The following HADHA variants were observed in gnomAD, a reference collection of about 807,000 sequenced individuals.
HADHA encodes trifunctional enzyme subunit alpha, mitochondrial.
HADHA carries 59 observed loss-of-function variants against 91.3 expected under a neutral mutation model. The observed-to-expected ratio is 0.65, with a 90% CI of 0.52 to 0.80. HADHA has a LOEUF of 0.80. HADHA is among the 30% of genes least tolerant of loss of function. HADHA has a pLI of 0.00. For missense variants in HADHA, 800 were observed against 927.6 expected (o/e 0.86, Z 1.79); for synonymous variants, 320 against 338.9 (o/e 0.94, Z 0.61).
intron 9 of HADHA, among the ~76,000 whole-genome samples, chr2:26,213,126 T>G (rs1413687699): frequency 6.6e-6 from 1 of 152,226 alleles, no homozygotes; most frequent in Non-Finnish European, 1.5e-5. Flanking sequence ...ATAAGCAAAT[T>G]GACATCTCTA....
chr2:26,208,019 A>T (rs1670010122), intron 11 of HADHA, among the ~76,000 whole-genome samples: 1 of 152,168 alleles, frequency 6.6e-6, no homozygotes, highest in South Asian at 2.1e-4. Context: ...TGGGTATCTT[A>T]TAGCTTATTC....
At chr2:26,230,647 C>T (rs1055658582) in intron 6 of HADHA, among the ~76,000 whole-genome samples, 2 of 151,958 alleles carry the variant, frequency 1.3e-5, no homozygotes, top group Admixed American at 6.6e-5. Flanking sequence ...TGGCCAGGCA[C>T]GGTGGCTCAC....
intron 5 of HADHA, 141 bp downstream of exon 5, chr2:26,234,076 C>T (rs1017226421): frequency 1.4e-5 from 11 of 771,088 alleles, no homozygotes; most frequent in Non-Finnish European, 2.2e-5. Context: ...AGCAAAATTC[C>T]GTCTCAAAGC....
In HADHA at chr2:26,201,249, C is replaced by G; in HGVS notation, c.1292G>C (p.Gly431Ala). Residue 431 changes from glycine to alanine, a missense_variant, in exon 13 of 20, where the codon GGG becomes GCG. By Grantham distance (60) the Gly-to-Ala change is moderately conservative. Transcript: ENST00000380649. ...TTCAAAACCTTGGTAATCAAGCTGC[C>G]CAGTCAAGTTGCTGAAGATGGAATC... is the stretch of plus-strand genomic sequence containing the variant. ...ERDSIFSNLT[G>A]QLDYQGFEKA... 2 of 1,611,794 alleles carry G rather than the reference C, an allele frequency of 1.2e-6. No homozygotes were observed. The highest frequency in any genetic ancestry group is 1.7e-6 in the Non-Finnish European group (2 of 1,177,870).
At chr2:26,239,974 T>A (rs1006554446) in intron 1 of HADHA, among the ~76,000 whole-genome samples, 2 of 152,214 alleles carry the variant, frequency 1.3e-5, no homozygotes, top group Admixed American at 6.5e-5. Context: ...TCTACTTGAC[T>A]AATAGTATGT....
chr2:26,212,344 C>G (rs1028496905), intron 10 of HADHA: 1 of 539,316 alleles, frequency 1.9e-6, no homozygotes, highest in Non-Finnish European at 3.4e-6. Flanking sequence ...ACCTCGGCCT[C>G]CCAGAATGTT....
intron 17 of HADHA, 68 bp downstream of exon 17, chr2:26,193,509 T>C (rs943412805): frequency 1.6e-6 from 2 of 1,283,094 alleles, no homozygotes; most frequent in Admixed American, 3.4e-5. Flanking sequence ...CTGTAACTCT[T>C]TGGTCTCAGG....
chr2:26,242,744 C>G (rs1670928580), intron 1 of HADHA, among the ~76,000 whole-genome samples: 1 of 152,190 alleles, frequency 6.6e-6, no homozygotes, highest in Admixed American at 6.5e-5. Context: ...AGAAGTCAGA[C>G]TCCAAACAAT....
intron 13 of HADHA, among the ~76,000 whole-genome samples, chr2:26,200,397 G>C (rs1373669573): frequency 6.6e-6 from 1 of 152,078 alleles, no homozygotes; most frequent in Non-Finnish European, 1.5e-5. Flanking sequence ...TACTTGTTTT[G>C]TTCATGTCAG....
At chr2:26,238,873 C>T (rs373080330) in intron 3 of HADHA, 61 bp downstream of exon 3, 4 of 972,644 alleles carry the variant, frequency 4.1e-6, no homozygotes, top group South Asian at 2.6e-5. Flanking sequence ...TACATCTTTC[C>T]CATTCAGGAC....
chr2:26,235,664 A>G (rs966162705), intron 4 of HADHA, among the ~76,000 whole-genome samples: 9 of 152,254 alleles, frequency 5.9e-5, no homozygotes, highest in African/African-American at 2.2e-4. Context: ...GAGACTGATT[A>G]CTACACATAA....
At chr2:26,199,802 C>T (rs972324096) in intron 13 of HADHA, among the ~76,000 whole-genome samples, 9 of 152,134 alleles carry the variant, frequency 5.9e-5, no homozygotes, top group Admixed American at 2.0e-4. Context: ...CCTGCAGCCA[C>T]GCTACAAAGA....
intron 9 of HADHA, among the ~76,000 whole-genome samples, chr2:26,213,041 C>T (rs1285630103): frequency 6.6e-6 from 1 of 151,992 alleles, no homozygotes; most frequent in Non-Finnish European, 1.5e-5. Flanking sequence ...AGTACAATGG[C>T]AAATATAAAA....
At chr2:26,211,656 C>G (rs1371272627) in intron 10 of HADHA, among the ~76,000 whole-genome samples, 2 of 152,026 alleles carry the variant, frequency 1.3e-5, no homozygotes, top group Non-Finnish European at 2.9e-5. Flanking sequence ...GTTTCTAGTC[C>G]CAAACATTTT....
At chr2:26,218,085 C>T (rs1027252032) in intron 7 of HADHA, among the ~76,000 whole-genome samples, 4 of 152,084 alleles carry the variant, frequency 2.6e-5, no homozygotes, top group Non-Finnish European at 5.9e-5. Flanking sequence ...GTGGGCAGAT[C>T]ACTTGAGGTC....
intron 2 of HADHA, 23 bp downstream of exon 2, chr2:26,239,079 C>T: frequency 6.3e-7 from 1 of 1,586,316 alleles, no homozygotes; most frequent in Non-Finnish European, 8.7e-7. Context: ...TAAGCATACA[C>T]ATTAAAAAGA....
chr2:26,207,675 G>A (rs1182050597), intron 11 of HADHA, among the ~76,000 whole-genome samples: 1 of 152,152 alleles, frequency 6.6e-6, no homozygotes, highest in East Asian at 1.9e-4. Flanking sequence ...GCCAACTGCT[G>A]GGTGACATGA....
chr2:26,234,213 A>G lies in HADHA; in HGVS notation c.453+4T>C. The G allele has an allele frequency of 1.2e-6, 2 of 1,612,964 alleles. No homozygotes were observed. The highest frequency in any genetic ancestry group is 2.7e-5 in the African/African-American group (2 of 75,044). On this transcript the variant is annotated splice_donor_region_variant and intron_variant, in intron 5 of 19. Coordinates refer to ENST00000380649, the MANE Select transcript of HADHA (RefSeq NM_000182.5). The stretch of plus-strand genomic sequence containing the variant: ...GTGTCTCAATAACTTTAGAATATCT[A>G]TACCTCAAGTCCTCCTCCCAGGCAG...
intron 16 of HADHA, 91 bp downstream of exon 16, chr2:26,194,478 GA>G: frequency 1.2e-6 from 1 of 842,890 alleles, no homozygotes; most frequent in South Asian, 1.4e-5. Flanking sequence ...TGGTGTATCA[GA>G]AGGAAGCTTG....
Sources: gnomAD v4.1 joint callset for allele counts (sites outside exome capture counted in the v4.1 genomes callset) on GRCh38, gnomAD v4.1.1 for gene constraint, MANE v1.5 for transcripts, NCBI Gene and HGNC (gene_info 2026-07-23, HGNC 2026-07-21) for gene names.